The following SYN3 variants were observed in gnomAD, a reference collection of about 807,000 sequenced individuals.
SYN3 encodes synapsin III.
In SYN3, 35 loss-of-function variants were observed where a neutral mutation model predicts 65.8. The observed-to-expected ratio is 0.53, with a 90% CI of 0.41 to 0.70. The LOEUF (loss-of-function observed/expected upper bound fraction) is 0.70, where lower values mean the gene tolerates loss of function less well. Among genes scored for constraint, SYN3 ranks in the 30% least tolerant of loss-of-function variants. The pLI, the probability that SYN3 is intolerant of heterozygous loss-of-function variation, is 0.00. For missense variants in SYN3, 680 were observed against 749.0 expected, an observed-to-expected ratio of 0.91 and a Z score of 1.08; for synonymous variants, 270 against 292.9, an observed-to-expected ratio of 0.92 and a Z score of 0.80.
chr22:32,510,846 A>G lies in SYN3; in HGVS notation c.*2846T>C, dbSNP rs1024909556. On this transcript the variant is annotated 3_prime_UTR_variant, in exon 14 of 14. Coordinates refer to ENST00000358763, the MANE Select transcript of SYN3 (RefSeq NM_003490.4). ...CTGGTTCTTTCATCGTGTGACTTAT[A>G]CTAGTGATCCCTATCTTCTTGGGGG... Among the ~76,000 whole-genome samples, 5 of 151,946 alleles carry G rather than the reference A, an allele frequency of 3.3e-5. No homozygotes were observed. Among genetic ancestry groups the G allele is most frequent in the Admixed American group, 2.0e-4 (3 of 15,262 alleles).
intron 6 of SYN3, among the ~76,000 whole-genome samples, chr22:32,674,780 T>C (rs1266767987): frequency 6.6e-6 from 1 of 152,204 alleles, no homozygotes; most frequent in African/African-American, 2.4e-5. Flanking sequence ...TACACCATGA[T>C]GGCTTAATAA....
intron 6 of SYN3, among the ~76,000 whole-genome samples, chr22:32,817,509 A>G (rs940926381): frequency 3.9e-5 from 6 of 152,204 alleles, no homozygotes; most frequent in African/African-American, 1.4e-4. Context: ...AGGAAGTATC[A>G]TCTGCATTAC....
chr22:32,611,539 G>A (rs1257965738), intron 6 of SYN3, among the ~76,000 whole-genome samples: 2 of 151,780 alleles, frequency 1.3e-5, no homozygotes, highest in African/African-American at 4.8e-5. Flanking sequence ...TGATCTGCCC[G>A]CCTCGGCCTC....
chr22:32,517,883 C>T (rs1370008960), intron 13 of SYN3, among the ~76,000 whole-genome samples, 160 bp downstream of exon 13: 1 of 152,050 alleles, frequency 6.6e-6, no homozygotes, highest in Non-Finnish European at 1.5e-5. Flanking sequence ...TTGGGCCTCC[C>T]CAGCAAATTC....
rs770001280 is a variant in SYN3, at chr22:32,518,235, G to C, written c.1418C>G (p.Ser473Cys). 118 of 1,613,744 alleles carry C rather than the reference G, an allele frequency of 7.3e-5. 1 individual carries two copies. The South Asian group carries it at 8.3e-4, about 11-fold the overall frequency. ...TGACCTTTGCTGCTGTGGAGATCCGGACTGGGGGCTCAGGGGCTGCTGGCC... is the reference window on the plus strand; with the variant it reads ...TGACCTTTGCTGCTGTGGAGATCCGCACTGGGGGCTCAGGGGCTGCTGGCC... The part of the protein sequence containing the change: ...PQGQQPLSPQ[S>C]GSPQQQRSPG... The change falls in exon 13 of 14, where the codon TCC (serine) becomes TGC (cysteine). Residue 473 changes from serine to cysteine, a missense_variant. Coordinates refer to ENST00000358763, the MANE Select transcript of SYN3 (RefSeq NM_003490.4).
At chr22:32,815,069 G>A (rs753095725) in intron 6 of SYN3, among the ~76,000 whole-genome samples, 4 of 152,158 alleles carry the variant, frequency 2.6e-5, no homozygotes, top group African/African-American at 4.8e-5. Context: ...GACTAGTTGC[G>A]TTTCAGCTAC....
chr22:32,998,518 C>G (rs144120725), intron 2 of SYN3, among the ~76,000 whole-genome samples: 58 of 152,194 alleles, frequency 3.8e-4, no homozygotes, highest in African/African-American at 1.2e-3. Flanking sequence ...AGGCTACCAG[C>G]AGAGTAAGAG....
At chr22:32,890,035 C>T (rs2049398998) in intron 4 of SYN3, among the ~76,000 whole-genome samples, 1 of 142,036 alleles carries the variant, frequency 7.0e-6, no homozygotes, top group Non-Finnish European at 1.5e-5. Flanking sequence ...TCGTGGTTTC[C>T]TCCATTTGTT....
intron 2 of SYN3, among the ~76,000 whole-genome samples, chr22:32,991,364 A>ATAATAATAATAATAATAATAATAG (rs1569385890): frequency 1.3e-5 from 2 of 149,306 alleles, no homozygotes; most frequent in African/African-American, 2.5e-5. Context: ...AATAATAATA[A>ATAATAATAATAATAATAATAATAG]TAATAATAGT....
rs769001893 is a variant in SYN3 at position 32,596,747 on chromosome 22, CAAG to C, written c.712-14_712-12del. 1.1e-5 allele frequency: 18 copies of C among 1,613,512 alleles called. No individual in the cohort carries two copies. The highest frequency in any genetic ancestry group is 1.6e-4 in the Middle Eastern group (1 of 6,082). ...GTGTGGGGCTGTGACCTGAAAGAGACAAGAAGAAGTCACTCTTAACATCTCAGA... is the reference window on the plus strand; with the variant it reads ...GTGTGGGGCTGTGACCTGAAAGAGACAAGAAGTCACTCTTAACATCTCAGA... On this transcript the variant is annotated splice_polypyrimidine_tract_variant and intron_variant, in intron 6 of 13. Coordinates refer to ENST00000358763, the MANE Select transcript of SYN3 (RefSeq NM_003490.4).
chr22:32,997,494 C>T (rs942393840), intron 2 of SYN3, among the ~76,000 whole-genome samples: 1 of 152,152 alleles, frequency 6.6e-6, no homozygotes, highest in African/African-American at 2.4e-5. Context: ...CAGCCCAGCC[C>T]CACTTCTGTC....
At chr22:32,520,476 C>T (rs1412807174) in intron 12 of SYN3, among the ~76,000 whole-genome samples, 1 of 152,168 alleles carries the variant, frequency 6.6e-6, no homozygotes, top group Non-Finnish European at 1.5e-5. Flanking sequence ...TATATTGTGA[C>T]TTGCTTAAGA....
chr22:32,900,370 T>C (rs1461546968), intron 4 of SYN3, among the ~76,000 whole-genome samples: 1 of 152,224 alleles, frequency 6.6e-6, no homozygotes, highest in African/African-American at 2.4e-5. Context: ...ACTGCAAAGT[T>C]CCGGGCAAAT....
At chr22:32,609,139 A>G (rs575421847) in intron 6 of SYN3, among the ~76,000 whole-genome samples, 103 of 152,026 alleles carry the variant, frequency 6.8e-4, no homozygotes, top group Non-Finnish European at 1.3e-3. Flanking sequence ...CCTGGCTAAC[A>G]TGGTGAAACC....
rs181124827 is a variant in SYN3 at position 32,529,995 on chromosome 22, G to A, written c.1096-987C>T. 4.6e-5 allele frequency: 7 copies of A among 152,444 alleles called. No individual in the cohort carries two copies. In the East Asian group the frequency reaches 1.4e-3, roughly 29 times the overall value. The allele number at this position is 152,444 out of a possible 1,614,324, so 9.4% of individuals were successfully genotyped here. A position where few individuals can be genotyped will look rare whatever the true frequency, so the allele number is the denominator to read the frequency against. Reference sequence around the variant, plus strand: ...GGTCTTCCTCCAGGAAGCCCTCTCTGATAGTGCAAGCTCTGACGAGCCACC... The same window carrying A: ...GGTCTTCCTCCAGGAAGCCCTCTCTAATAGTGCAAGCTCTGACGAGCCACC... On this transcript the variant is annotated intron_variant, in intron 10 of 13. Coordinates refer to ENST00000358763, the MANE Select transcript of SYN3 (RefSeq NM_003490.4).
At chr22:32,589,168 A>G (rs1016294176) in intron 7 of SYN3, among the ~76,000 whole-genome samples, 1 of 152,114 alleles carries the variant, frequency 6.6e-6, no homozygotes, top group African/African-American at 2.4e-5. Flanking sequence ...TTCTCCTACC[A>G]CTGGTTTGCT....
intron 7 of SYN3, among the ~76,000 whole-genome samples, chr22:32,562,688 C>A (rs1053739008): frequency 6.6e-6 from 1 of 152,240 alleles, no homozygotes; most frequent in Non-Finnish European, 1.5e-5. Context: ...GCCTCCCAGG[C>A]GAGATTCCAG....
chr22:32,890,536 A>G (rs2146471310), intron 4 of SYN3, among the ~76,000 whole-genome samples: 1 of 152,066 alleles, frequency 6.6e-6, no homozygotes, highest in Admixed American at 6.5e-5. Context: ...GCATGCCACC[A>G]CGCCTGGCTA....
chr22:32,529,274 C>T (rs564950474), intron 10 of SYN3, among the ~76,000 whole-genome samples: 43 of 152,150 alleles, frequency 2.8e-4, no homozygotes, highest in Non-Finnish European at 4.9e-4. Flanking sequence ...GAGCCTCTGC[C>T]GACCTTTTCT....
Sources: allele counts gnomAD v4.1 joint callset (sites outside exome capture counted in the v4.1 genomes callset), GRCh38; gene constraint gnomAD v4.1.1; transcripts MANE v1.5; gene names NCBI Gene and HGNC (gene_info 2026-07-23, HGNC 2026-07-21).